The following LCA5 variants were observed in gnomAD, a reference collection of about 807,000 sequenced individuals.
The protein encoded by LCA5 is lebercilin.
In LCA5, 37 loss-of-function variants were observed where a neutral mutation model predicts 53.0. That is an observed-to-expected ratio of 0.70 (90% CI 0.54 to 0.92). The LOEUF is 0.92. LCA5 is among the 40% of genes least tolerant of loss of function. LCA5 has a pLI of 0.00. For missense variants in LCA5, 806 were observed against 790.5 expected, an observed-to-expected ratio of 1.02 and a Z score of -0.23; for synonymous variants, 303 against 282.9, an observed-to-expected ratio of 1.07 and a Z score of -0.71.
chr6:79,493,824 A>G lies in LCA5; in HGVS notation c.721-74T>C, dbSNP rs187787252. On this transcript the variant is annotated intron_variant, in intron 3 of 7. Coordinates refer to ENST00000369846, the MANE Select transcript of LCA5 (RefSeq NM_001122769.3). ...ATGAAACATAACACATGGCAGTGTC[A>G]AAATGATGTTTTTAGTGGTATTGTC... The G allele has an allele frequency of 4.3e-6, 5 of 1,176,052 alleles. No homozygotes were observed. The Admixed American group carries it at 1.1e-4, about 26-fold the overall frequency. The allele number at this position is 1,176,052 out of a possible 1,614,324, so 72.9% of individuals were successfully genotyped here. A position where few individuals can be genotyped will look rare whatever the true frequency, so the allele number is the denominator to read the frequency against.
chr6:79,519,006 T>C lies in LCA5; in HGVS notation c.-112A>G. On this transcript the variant is annotated 5_prime_UTR_variant, in exon 2 of 8. It removes an upstream start codon present in the reference 5' UTR. Transcript: ENST00000369846. The stretch of plus-strand genomic sequence containing the variant: ...AGTCTTCAGATCCTGATAATATTCA[T>C]TTCTGTGCAATCTATTTTCTCCACA... 2.9e-6 allele frequency: 3 copies of C among 1,034,300 alleles called. No individual in the cohort carries two copies. In the South Asian group the frequency reaches 3.8e-5, roughly 13 times the overall value. 64.1% of individuals were successfully genotyped at this position (1,034,300 alleles called of 1,614,324 possible).
At chr6:79,489,791 T>C (rs1362143275) in intron 6 of LCA5, among the ~76,000 whole-genome samples, 1 of 152,108 alleles carries the variant, frequency 6.6e-6, no homozygotes, top group African/African-American at 2.4e-5. Flanking sequence ...TTGTCTAGTA[T>C]CCATTTTCAT....
chr6:79,508,765 T>C (rs1197721934), intron 3 of LCA5, among the ~76,000 whole-genome samples: 3 of 152,266 alleles, frequency 2.0e-5, no homozygotes, highest in Non-Finnish European at 4.4e-5. Context: ...TTTAGTTAAT[T>C]TGCAAAATGA....
intron 6 of LCA5, among the ~76,000 whole-genome samples, chr6:79,490,730 CCTTT>C (rs1317770112): frequency 1.3e-5 from 2 of 151,986 alleles, no homozygotes; most frequent in African/African-American, 4.8e-5. Context: ...ATCAGTTCAT[CCTTT>C]CTGTTTTATA....
intron 3 of LCA5, among the ~76,000 whole-genome samples, chr6:79,504,265 T>C (rs1418527784): frequency 6.6e-6 from 1 of 152,194 alleles, no homozygotes; most frequent in Non-Finnish European, 1.5e-5. Context: ...AAAACTTACG[T>C]TTAATGCTTT....
At chr6:79,502,095 C>CACCT (rs2127673690) in intron 3 of LCA5, among the ~76,000 whole-genome samples, 1 of 152,252 alleles carries the variant, frequency 6.6e-6, no homozygotes, top group East Asian at 1.9e-4. Context: ...TAATTTCTAA[C>CACCT]ACCTACCTCT....
At chr6:79,506,497 C>G (rs1251577115) in intron 3 of LCA5, among the ~76,000 whole-genome samples, 1 of 152,182 alleles carries the variant, frequency 6.6e-6, no homozygotes, top group Admixed American at 6.5e-5. Flanking sequence ...ACAACCCCAA[C>G]AGTAAGTCTT....
At chr6:79,511,141 T>C (rs758047922) in intron 3 of LCA5, among the ~76,000 whole-genome samples, 1 of 152,086 alleles carries the variant, frequency 6.6e-6, no homozygotes, top group East Asian at 1.9e-4. Flanking sequence ...CTTTCAGGCA[T>C]ATATCCCAGA....
intron 1 of LCA5, among the ~76,000 whole-genome samples, chr6:79,523,313 T>C (rs990206878): frequency 1.3e-5 from 2 of 152,018 alleles, no homozygotes; most frequent in African/African-American, 4.8e-5. Flanking sequence ...TGAAAAAATA[T>C]TTACACATGA....
chr6:79,524,236 G>A (rs1386181564), intron 1 of LCA5, among the ~76,000 whole-genome samples: 1 of 152,046 alleles, frequency 6.6e-6, no homozygotes, highest in African/African-American at 2.4e-5. Flanking sequence ...TACTTTTATT[G>A]AATTCCTGAG....
At position 79,486,975 on chromosome 6, in the gene LCA5, C is replaced by A. The variant is rs534130467; in HGVS notation, c.*29G>T. 720 of 1,557,628 alleles carry A rather than the reference C, an allele frequency of 4.6e-4. 6 individuals are homozygous for A. In the South Asian group the frequency reaches 7.7e-3, roughly 17 times the overall value. On this transcript the variant is annotated 3_prime_UTR_variant, in exon 8 of 8. Coordinates refer to ENST00000369846, the MANE Select transcript of LCA5 (RefSeq NM_001122769.3). ...CTGTATTAAAATATTTCAATATTTACAATTAGAAAAAATGTATACTCTAGT... is the reference window on the plus strand; with the variant it reads ...CTGTATTAAAATATTTCAATATTTAAAATTAGAAAAAATGTATACTCTAGT...
chr6:79,515,951 A>G (rs563426427), intron 2 of LCA5, among the ~76,000 whole-genome samples: 2 of 152,194 alleles, frequency 1.3e-5, no homozygotes, highest in East Asian at 3.9e-4. Context: ...ACATACAGCT[A>G]TTGAGAAGCT....
rs1462381301 is a variant in LCA5 at position 79,487,820 on chromosome 6, A to T, written c.1278T>A (p.Ser426=). ...ELDKKQKEKA[S]LLEREEKPEW... is the part of the protein sequence containing the mutation. ...CTGGCTTTTCTTCTCTTTCCAGTAA[A>T]GATGCCTTTTCTTTTTGCTTTTTAT... The change falls in exon 8 of 8, where the codon TCT becomes TCA. Residue 426 remains serine, a synonymous_variant. Transcript: ENST00000369846. The T allele has an allele frequency of 6.2e-7, 1 of 1,609,534 alleles. No individual in the cohort carries two copies. The highest frequency in any genetic ancestry group is 8.5e-7 in the Non-Finnish European group (1 of 1,178,666).
chr6:79,506,582 G>A (rs1489206920), intron 3 of LCA5, among the ~76,000 whole-genome samples: 1 of 152,074 alleles, frequency 6.6e-6, no homozygotes, highest in East Asian at 1.9e-4. Flanking sequence ...AGACCACTAA[G>A]AAATGGTGCA....
At position 79,489,166 on chromosome 6, in the gene LCA5, G is replaced by A. The variant is rs971533247; in HGVS notation, c.1149C>T (p.Asn383=). 6.2e-7 allele frequency: 1 copy of A among 1,612,422 alleles called. No homozygotes were observed. Among genetic ancestry groups the A allele is most frequent in the Non-Finnish European group, 8.5e-7 (1 of 1,179,588 alleles). ...QDRHGEAGIL[N]PIMEREEKFV... is the part of the protein sequence containing the mutation. ...ATTTTTCTTCTCTTTCCATAATTGGGTTTAGAATCCCTGCTTCTCCATGCC... is the reference window on the plus strand; with the variant it reads ...ATTTTTCTTCTCTTTCCATAATTGGATTTAGAATCCCTGCTTCTCCATGCC... The change falls in exon 7 of 8, where the codon AAC becomes AAT. Residue 383 remains asparagine (N), a synonymous_variant. Transcript: ENST00000369846.
upstream of LCA5, among the ~76,000 whole-genome samples, chr6:79,538,042 T>G (rs867388973): frequency 1.3e-4 from 17 of 128,792 alleles, no homozygotes; most frequent in African/African-American, 4.5e-4. Flanking sequence ...TTTTTTTTTT[T>G]TTTTTTTTTT....
chr6:79,487,563 G>C lies in LCA5; in HGVS notation c.1535C>G (p.Ser512Cys), dbSNP rs150542974. The change falls in exon 8 of 8, where the codon TCT becomes TGT. Residue 512 changes from serine (S) to cysteine (C), a missense_variant. Ser to Cys is a moderately radical substitution (Grantham distance 112). Transcript: ENST00000369846. ...PERSPKTYRFSESSERLFNGH... is the reference protein window; with the variant it reads ...PERSPKTYRFCESSERLFNGH... ...ATTAAATAATCTCTCTGAGGATTCA[G>C]AGAACCTGTATGTTTTGGGGCTTCT... The C allele has an allele frequency of 3.1e-6, 5 of 1,614,030 alleles. No homozygotes were observed. The highest frequency in any genetic ancestry group is 4.2e-6 in the Non-Finnish European group (5 of 1,179,930).
chr6:79,518,539 A>C (rs1412353628), intron 2 of LCA5, among the ~76,000 whole-genome samples, 166 bp downstream of exon 2: 2 of 152,140 alleles, frequency 1.3e-5, no homozygotes, highest in South Asian at 2.1e-4. Context: ...CCATCAAGCA[A>C]CATTTATATA....
chr6:79,511,407 T>C (rs1028908703), intron 3 of LCA5, among the ~76,000 whole-genome samples: 4 of 152,180 alleles, frequency 2.6e-5, no homozygotes, highest in African/African-American at 9.7e-5. Context: ...TATAACATTC[T>C]TGAAATGACA....
Sources: gnomAD v4.1 joint callset for allele counts (sites outside exome capture counted in the v4.1 genomes callset) on GRCh38, gnomAD v4.1.1 for gene constraint, MANE v1.5 for transcripts, NCBI Gene and HGNC (gene_info 2026-07-23, HGNC 2026-07-21) for gene names.